Variants in PCDHA4 observed in about 807,000 individuals in gnomAD.
The protein encoded by PCDHA4 is protocadherin alpha 4, also known as protocadherin alpha-4.
A neutral mutation model predicts 61.4 loss-of-function variants in PCDHA4; 49 were observed. That is an observed-to-expected ratio of 0.80 (90% CI 0.63 to 1.01). The LOEUF (loss-of-function observed/expected upper bound fraction) is 1.01. Among genes scored for constraint, PCDHA4 ranks in the 50% least tolerant of loss-of-function variants. PCDHA4 has a pLI of 0.00. For synonymous variants in PCDHA4, 590 were observed against 550.3 expected, an observed-to-expected ratio of 1.07 and a Z score of -1.01; for missense variants, 1,254 against 1,235.8, an observed-to-expected ratio of 1.01 and a Z score of -0.22.
intron 1 of PCDHA4, chr5:140,834,961 G>A: frequency 6.6e-7 from 1 of 1,524,338 alleles, no homozygotes; most frequent in Non-Finnish European, 8.9e-7. Context: ...AAACCTCTTG[G>A]ACTTGTATTA....
At chr5:140,846,974 T>G (rs1257358967) in intron 1 of PCDHA4, among the ~76,000 whole-genome samples, 1 of 149,546 alleles carries the variant, frequency 6.7e-6, no homozygotes, top group Non-Finnish European at 1.5e-5. Context: ...GGTTTTAAAA[T>G]AAGTAAGTTC....
At chr5:140,828,116 T>C (rs2150151180) in intron 1 of PCDHA4, 39 of 1,612,242 alleles carry the variant, frequency 2.4e-5, no homozygotes, top group Admixed American at 2.0e-4. Flanking sequence ...GGAGGATAGA[T>C]TGGGAAAGCA....
intron 1 of PCDHA4, 127 bp from the exon 2 acceptor site, chr5:140,978,822 A>G: frequency 6.6e-7 from 1 of 1,521,216 alleles, no homozygotes; most frequent in Non-Finnish European, 8.8e-7. Context: ...GTTACACATG[A>G]AATGGCTCAT....
chr5:140,933,244 A>G (rs1218658347), intron 1 of PCDHA4, among the ~76,000 whole-genome samples: 3 of 152,038 alleles, frequency 2.0e-5, no homozygotes, highest in African/African-American at 4.8e-5. Context: ...AGAAAGGACT[A>G]TAAACACAAA....
rs115221257 is a variant in PCDHA4 at position 140,951,407 on chromosome 5, A to G, written c.2386-27542A>G. On this transcript the variant is annotated intron_variant, in intron 1 of 3. Transcript: ENST00000530339. ...GGTAATTTATAAAGAAAAGAGGTTTAATTGGCTCACAGTTCCACAGGCTGT... is the reference window on the plus strand; with the variant it reads ...GGTAATTTATAAAGAAAAGAGGTTTGATTGGCTCACAGTTCCACAGGCTGT... Among the ~76,000 whole-genome samples the G allele has an allele frequency of 4.7e-3, 715 of 152,182 alleles. 3 individuals are homozygous for G. Among genetic ancestry groups the G allele is most frequent in the African/African-American group, 0.015 (625 of 41,530 alleles).
chr5:140,883,710 A>C (rs782592824), intron 1 of PCDHA4: 1 of 1,613,516 alleles, frequency 6.2e-7, no homozygotes, highest in South Asian at 1.1e-5. Context: ...TCTGCTCAGG[A>C]CGCGGACGCA....
At chr5:140,825,234 G>C (rs1554130170) in intron 1 of PCDHA4, 2 of 150,892 alleles carry the variant, frequency 1.3e-5, no homozygotes, top group African/African-American at 4.9e-5. Context: ...CTTTTATCTG[G>C]ATCTATGGTG....
chr5:140,820,098 A>G (rs1554127792), intron 1 of PCDHA4, among the ~76,000 whole-genome samples: 1 of 151,998 alleles, frequency 6.6e-6, no homozygotes, highest in Non-Finnish European at 1.5e-5. Flanking sequence ...AATATTTATT[A>G]TCATTTTCTT....
At chr5:140,915,582 G>T (rs991142864) in intron 1 of PCDHA4, among the ~76,000 whole-genome samples, 1 of 151,936 alleles carries the variant, frequency 6.6e-6, no homozygotes, top group Non-Finnish European at 1.5e-5. Context: ...CCAGGCAAAA[G>T]CACTTGTTCT....
At chr5:140,932,727 A>G (rs927294598) in intron 1 of PCDHA4, among the ~76,000 whole-genome samples, 2 of 151,954 alleles carry the variant, frequency 1.3e-5, no homozygotes, top group Non-Finnish European at 2.9e-5. Flanking sequence ...ATTGTATAAT[A>G]TAGACCCTCA....
At chr5:140,956,719 T>C (rs2095305109) in intron 1 of PCDHA4, among the ~76,000 whole-genome samples, 1 of 152,216 alleles carries the variant, frequency 6.6e-6, no homozygotes, top group Non-Finnish European at 1.5e-5. Context: ...TCAGAAGAAT[T>C]GGTACCAGCT....
In PCDHA4 at chr5:140,808,431, G is replaced by A. The variant is rs1554124539; in HGVS notation, c.1244G>A (p.Arg415His). The change falls in exon 1 of 4, where the codon CGC becomes CAC. Residue 415 changes from arginine (R) to histidine (H), a missense_variant. Coordinates refer to ENST00000530339, the MANE Select transcript of PCDHA4 (RefSeq NM_018907.4). Reference sequence around the variant, plus strand: ...TTGGTGCTGGACAGTGCCCTGGACCGCGAGAGCGTGTCAGCCTATGAGCTG... The same window carrying A: ...TTGGTGCTGGACAGTGCCCTGGACCACGAGAGCGTGTCAGCCTATGAGCTG... ...YSLVLDSALD[R>H]ESVSAYELVV... 1 of 1,614,140 alleles carries A rather than the reference G, an allele frequency of 6.2e-7. No homozygotes were observed. Among genetic ancestry groups the A allele is most frequent in the South Asian group, 1.1e-5 (1 of 91,080 alleles).
intron 1 of PCDHA4, among the ~76,000 whole-genome samples, chr5:140,936,282 T>C (rs781971653): frequency 6.6e-6 from 1 of 152,250 alleles, no homozygotes; most frequent in Non-Finnish European, 1.5e-5. Context: ...CTGTGTTTTC[T>C]TCTATAACAT....
Position 140,807,679 on chromosome 5 carries a change from G to C in PCDHA4, c.492G>C (p.Glu164Asp). 6.2e-7 allele frequency: 1 copy of C among 1,614,236 alleles called. No homozygotes were observed. Residue 164 changes from glutamate (E) to aspartate (D), a missense_variant, in exon 1 of 4, where the codon GAG (glutamate) becomes GAC (aspartate). Transcript: ENST00000530339. ...GCGCCTCGGATGCAGATATCGGGGA[G>C]AACGCCCTGCTCACTTACAGACTGA... Reference protein sequence around the residue: ...LEGASDADIGENALLTYRLSP... With the variant: ...LEGASDADIGDNALLTYRLSP...
intron 3 of PCDHA4, among the ~76,000 whole-genome samples, chr5:140,993,036 GTCA>G (rs1415732601): frequency 6.6e-6 from 1 of 152,182 alleles, no homozygotes; most frequent in Non-Finnish European, 1.5e-5. Flanking sequence ...GGCTCCGTGT[GTCA>G]TCAAGATGTC....
At position 140,835,665 on chromosome 5, in the gene PCDHA4, C is replaced by A. The variant is rs2150241242; in HGVS notation, c.2385+26093C>A. On this transcript the variant is annotated intron_variant, in intron 1 of 3. Coordinates refer to ENST00000530339, the MANE Select transcript of PCDHA4 (RefSeq NM_018907.4). ...CGCCTATGAGCTGGTGGTTACCGCG[C>A]GGGACGGGGGCTCGCCTTCTCTGTG... 5 of 1,613,890 alleles carry A rather than the reference C, an allele frequency of 3.1e-6. No individual in the cohort carries two copies. In the East Asian group the frequency reaches 6.7e-5, roughly 22 times the overall value.
At chr5:140,946,374 CGGTT>C (rs1308149019) in intron 1 of PCDHA4, among the ~76,000 whole-genome samples, 6 of 151,656 alleles carry the variant, frequency 4.0e-5, no homozygotes, top group Non-Finnish European at 5.9e-5. Flanking sequence ...CTCTTGCACA[CGGTT>C]GGTAGGAATG....
At chr5:140,968,044 A>G (rs959631573) in intron 1 of PCDHA4, 2 of 1,614,024 alleles carry the variant, frequency 1.2e-6, no homozygotes, top group Non-Finnish European at 1.7e-6. Context: ...TGAGCGGCCC[A>G]CTGGACCGAG....
intron 1 of PCDHA4, chr5:140,856,200 T>C (rs1463727286): frequency 6.3e-7 from 1 of 1,597,908 alleles, no homozygotes; most frequent in Non-Finnish European, 8.6e-7. Flanking sequence ...GCGCAGGACC[T>C]GGGGCTGGAG....
Sources: gnomAD v4.1 joint callset for allele counts (sites outside exome capture counted in the v4.1 genomes callset) on GRCh38, gnomAD v4.1.1 for gene constraint, MANE v1.5 for transcripts, NCBI Gene and HGNC (gene_info 2026-07-23, HGNC 2026-07-21) for gene names.